L3MBTL4: variants seen among roughly 807,000 people sequenced by gnomAD.
The protein encoded by L3MBTL4 is L3MBTL histone methyl-lysine binding protein 4.
A neutral mutation model predicts 84.5 loss-of-function variants in L3MBTL4; 70 were observed. The observed-to-expected ratio is 0.83, with a 90% CI of 0.68 to 1.01. The LOEUF (loss-of-function observed/expected upper bound fraction) is 1.01, where lower values mean the gene tolerates loss of function less well. L3MBTL4 is among the 50% of genes least tolerant of loss of function. The pLI, the probability that L3MBTL4 is intolerant of heterozygous loss-of-function variation, is 0.00. For synonymous variants in L3MBTL4, 274 were observed against 259.8 expected (o/e 1.05, Z -0.52); for missense variants, 715 against 754.8 (o/e 0.95, Z 0.62).
chr18:6,070,127 G>T (rs1395723656), intron 16 of L3MBTL4, among the ~76,000 whole-genome samples: 1 of 152,066 alleles, frequency 6.6e-6, no homozygotes, highest in East Asian at 1.9e-4. Context: ...AGAGAGAATG[G>T]AGCATAAACA....
At chr18:6,084,252 A>C (rs2058181964) in intron 15 of L3MBTL4, among the ~76,000 whole-genome samples, 1 of 152,152 alleles carries the variant, frequency 6.6e-6, no homozygotes, top group African/African-American at 2.4e-5. Context: ...ACAAAGTTTC[A>C]CTAGAACACA....
At chr18:6,050,617 C>T (rs2056803398) in intron 16 of L3MBTL4, among the ~76,000 whole-genome samples, 1 of 152,128 alleles carries the variant, frequency 6.6e-6, no homozygotes, top group Admixed American at 6.5e-5. Context: ...TAATCTGATG[C>T]CAGTGTGCTC....
intron 3 of L3MBTL4, among the ~76,000 whole-genome samples, chr18:6,310,161 C>T (rs1035881026): frequency 2.0e-5 from 3 of 152,194 alleles, no homozygotes; most frequent in Non-Finnish European, 2.9e-5. Flanking sequence ...TGAGTCTCCT[C>T]GTGCTCTGAT....
At chr18:6,188,524 A>G (rs981505458) in intron 12 of L3MBTL4, among the ~76,000 whole-genome samples, 1 of 152,226 alleles carries the variant, frequency 6.6e-6, no homozygotes, top group African/African-American at 2.4e-5. Flanking sequence ...AGTCTAAATT[A>G]TCTGACTGAT....
At chr18:6,068,441 C>A (rs111862228) in intron 16 of L3MBTL4, among the ~76,000 whole-genome samples, 1 of 152,134 alleles carries the variant, frequency 6.6e-6, no homozygotes, top group Non-Finnish European at 1.5e-5. Context: ...GTGGAAGCCA[C>A]CTCAGCTCCC....
chr18:6,056,030 C>CG (rs1021444360), intron 16 of L3MBTL4, among the ~76,000 whole-genome samples: 8 of 151,984 alleles, frequency 5.3e-5, no homozygotes, highest in African/African-American at 7.2e-5. Flanking sequence ...CTCAGTGTTT[C>CG]GGGGGGAGTG....
chr18:6,169,113 T>C (rs2043833713), intron 13 of L3MBTL4, among the ~76,000 whole-genome samples: 1 of 152,070 alleles, frequency 6.6e-6, no homozygotes, highest in African/African-American at 2.4e-5. Flanking sequence ...GAAATGCAAA[T>C]CAAAACCACA....
intron 1 of L3MBTL4, among the ~76,000 whole-genome samples, chr18:6,403,376 A>G (rs1425424783): frequency 1.3e-5 from 2 of 152,224 alleles, no homozygotes; most frequent in East Asian, 3.8e-4. Flanking sequence ...ATGCTGTTCA[A>G]TGACTCTCCC....
intron 16 of L3MBTL4, among the ~76,000 whole-genome samples, chr18:6,049,410 T>C (rs893031369): frequency 2.6e-5 from 4 of 151,980 alleles, no homozygotes; most frequent in African/African-American, 9.7e-5. Context: ...AAAAATCAAA[T>C]AACCCCATTA....
chr18:6,390,553 A>G (rs1182482386), intron 1 of L3MBTL4, among the ~76,000 whole-genome samples: 1 of 152,210 alleles, frequency 6.6e-6, no homozygotes, highest in Non-Finnish European at 1.5e-5. Context: ...CTTTGAAAAG[A>G]TAAACAAAAT....
chr18:6,091,060 A>G (rs920488945), intron 15 of L3MBTL4, among the ~76,000 whole-genome samples: 2 of 152,186 alleles, frequency 1.3e-5, no homozygotes, highest in African/African-American at 4.8e-5. Context: ...TAGAATTTAA[A>G]TATTCTCCAT....
At chr18:6,204,832 G>A (rs1057058392) in intron 12 of L3MBTL4, among the ~76,000 whole-genome samples, 2 of 152,206 alleles carry the variant, frequency 1.3e-5, no homozygotes, top group African/African-American at 4.8e-5. Context: ...GGTCAGGGCA[G>A]GTTCCAGGTA....
intron 16 of L3MBTL4, among the ~76,000 whole-genome samples, chr18:6,047,436 A>C (rs187211547): frequency 2.3e-4 from 35 of 152,268 alleles, no homozygotes; most frequent in Admixed American, 2.3e-3. Flanking sequence ...AAAATCTGGC[A>C]AAAACACAAT....
chr18:6,109,612 G>T (rs1445625181), intron 14 of L3MBTL4, among the ~76,000 whole-genome samples: 2 of 152,068 alleles, frequency 1.3e-5, no homozygotes, highest in African/African-American at 4.8e-5. Flanking sequence ...GCTGAACATT[G>T]TGGAGCCCCT....
intron 12 of L3MBTL4, among the ~76,000 whole-genome samples, chr18:6,172,375 TTAGAGTA>T (rs1211609102): frequency 6.6e-6 from 1 of 152,030 alleles, no homozygotes; most frequent in Non-Finnish European, 1.5e-5. Flanking sequence ...AATACACAGA[TTAGAGTA>T]TAAAGAAACA....
chr18:6,243,433 C>A lies in L3MBTL4; in HGVS notation c.325-4G>T. On this transcript the variant is annotated splice_region_variant and splice_polypyrimidine_tract_variant and intron_variant, in intron 6 of 18. Transcript: ENST00000317931. The stretch of plus-strand genomic sequence containing the variant: ...GTCTTAGACGGTAACCACAAACCTG[C>A]AAGATAGAAAGTTTACAATCATTCG... The A allele has an allele frequency of 1.9e-6, 3 of 1,586,900 alleles. No individual in the cohort carries two copies. Among genetic ancestry groups the A allele is most frequent in the Non-Finnish European group, 2.6e-6 (3 of 1,169,148 alleles).
At chr18:6,042,573 G>A (rs549648889) in intron 16 of L3MBTL4, among the ~76,000 whole-genome samples, 50 of 152,186 alleles carry the variant, frequency 3.3e-4, no homozygotes, top group African/African-American at 1.1e-3. Flanking sequence ...TGGGTTTTCC[G>A]TCCTACATGA....
intron 4 of L3MBTL4, among the ~76,000 whole-genome samples, chr18:6,273,820 G>T (rs1259410159): frequency 6.6e-6 from 1 of 152,226 alleles, no homozygotes; most frequent in African/African-American, 2.4e-5. Flanking sequence ...GAAGGAGAGG[G>T]AAGAGCTGGG....
chr18:6,230,222 C>T (rs914603821), intron 10 of L3MBTL4, among the ~76,000 whole-genome samples: 1 of 152,074 alleles, frequency 6.6e-6, no homozygotes, highest in Non-Finnish European at 1.5e-5. Flanking sequence ...TTTTCGATCT[C>T]TCTCCTCCCA....
Sources: gnomAD v4.1 joint callset for allele counts (sites outside exome capture counted in the v4.1 genomes callset) on GRCh38, gnomAD v4.1.1 for gene constraint, MANE v1.5 for transcripts, NCBI Gene and HGNC (gene_info 2026-07-23, HGNC 2026-07-21) for gene names.